The following PLSCR2 variants were observed in gnomAD, a reference collection of about 807,000 sequenced individuals.
PLSCR2 encodes the protein PL scramblase 2.
PLSCR2 carries 18 observed loss-of-function variants against 25.3 expected under a neutral mutation model. The ratio of observed to expected loss-of-function variants is 0.71; its 90% CI spans 0.49 to 1.06. The LOEUF (loss-of-function observed/expected upper bound fraction) is 1.06. Among genes scored for constraint, PLSCR2 ranks in the 50% least tolerant of loss-of-function variants. PLSCR2 has a pLI of 0.00. For missense variants in PLSCR2, 243 were observed against 269.5 expected (o/e 0.90, Z 0.69); for synonymous variants, 88 against 87.3 (o/e 1.01, Z -0.04).
chr3:146,443,085 T>A (rs896832893), intron 6 of PLSCR2, among the ~76,000 whole-genome samples: 2 of 152,056 alleles, frequency 1.3e-5, no homozygotes, highest in African/African-American at 4.8e-5. Flanking sequence ...CCAAAACGTA[T>A]GTTGAACCCT....
exon 2 of PLSCR2, chr3:146,459,858 T>C: frequency 6.2e-7 from 1 of 1,609,984 alleles, no homozygotes; most frequent in Non-Finnish European, 8.5e-7. Flanking sequence ...CTGACTTAAG[T>C]ATTCCAATCC....
downstream of PLSCR2, chr3:146,441,731 G>A (rs1576634117): frequency 6.7e-6 from 8 of 1,188,508 alleles, no homozygotes; most frequent in East Asian, 1.9e-4. Flanking sequence ...AATCAACACA[G>A]ACTTCAAATT....
chr3:146,396,621 T>C (rs1321690311), intron 2 of PLSCR2, among the ~76,000 whole-genome samples: 1 of 151,928 alleles, frequency 6.6e-6, no homozygotes, highest in East Asian at 1.9e-4. Flanking sequence ...ACAAGAGAAA[T>C]AGGAAGACAG....
At chr3:146,459,934 G>T in exon 2 of PLSCR2, 1 of 1,614,104 alleles carries the variant, frequency 6.2e-7, no homozygotes, top group South Asian at 1.1e-5. Context: ...CTACCTGGCT[G>T]ATTTTGAACA....
chr3:146,452,358 A>T (rs1202667348), intron 5 of PLSCR2, among the ~76,000 whole-genome samples: 1 of 152,346 alleles, frequency 6.6e-6, no homozygotes, highest in Non-Finnish European at 1.5e-5. Flanking sequence ...AAGATAGTCT[A>T]AAAAACTAAA....
At chr3:146,467,121 CAT>C (rs1313440046) in intron 1 of PLSCR2, among the ~76,000 whole-genome samples, 7 of 152,178 alleles carry the variant, frequency 4.6e-5, no homozygotes, top group African/African-American at 1.7e-4. Flanking sequence ...TACAGGTACA[CAT>C]ATGTGTACAT....
At chr3:146,487,772 A>G (rs775818376) in intron 1 of PLSCR2, among the ~76,000 whole-genome samples, 1 of 152,178 alleles carries the variant, frequency 6.6e-6, no homozygotes, top group Non-Finnish European at 1.5e-5. Context: ...ATTTAATGCT[A>G]CTTCCATTAA....
intron 2 of PLSCR2, among the ~76,000 whole-genome samples, chr3:146,407,886 C>A (rs1444470810): frequency 1.3e-5 from 2 of 152,136 alleles, no homozygotes; most frequent in South Asian, 2.1e-4. Flanking sequence ...TGGCATCCAC[C>A]TTCTCTAGGG....
chr3:146,469,937 C>T (rs1254482772), intron 1 of PLSCR2, among the ~76,000 whole-genome samples: 1 of 152,122 alleles, frequency 6.6e-6, no homozygotes, highest in Non-Finnish European at 1.5e-5. Flanking sequence ...CCAGCTGGAA[C>T]TGGAAAATCA....
At chr3:146,484,134 T>C (rs2043257305) in intron 1 of PLSCR2, among the ~76,000 whole-genome samples, 1 of 151,510 alleles carries the variant, frequency 6.6e-6, no homozygotes, top group African/African-American at 2.4e-5. Flanking sequence ...ACAAGAACTT[T>C]GTGATGCAAA....
chr3:146,440,002 C>T (rs2040136190), downstream of PLSCR2, among the ~76,000 whole-genome samples: 1 of 152,164 alleles, frequency 6.6e-6, no homozygotes, highest in East Asian at 1.9e-4. Flanking sequence ...CAGTCAGGAC[C>T]TTTACCTGCA....
intron 6 of PLSCR2, among the ~76,000 whole-genome samples, chr3:146,443,485 C>T (rs930990813): frequency 3.3e-5 from 5 of 151,708 alleles, no homozygotes; most frequent in African/African-American, 7.3e-5. Flanking sequence ...GGTTCAGTCT[C>T]GGTAGACAAT....
chr3:146,444,076 TC>T (rs1252793776), intron 6 of PLSCR2, among the ~76,000 whole-genome samples: 1 of 152,020 alleles, frequency 6.6e-6, no homozygotes, highest in Non-Finnish European at 1.5e-5. Flanking sequence ...TTTCCAAAGT[TC>T]CTCTTGTTAT....
At chr3:146,476,303 G>A (rs1166126403) in intron 1 of PLSCR2, among the ~76,000 whole-genome samples, 1 of 152,208 alleles carries the variant, frequency 6.6e-6, no homozygotes, top group African/African-American at 2.4e-5. Context: ...GGCAGGGGGA[G>A]CTCCCATTCC....
At chr3:146,463,793 C>G (rs945433034), upstream of PLSCR2, 2 of 839,918 alleles carry the variant, frequency 2.4e-6, no homozygotes, top group Non-Finnish European at 2.9e-6. Flanking sequence ...TCCACATCCT[C>G]AACTAAAATC....
At chr3:146,439,834 G>T (rs111876483), downstream of PLSCR2, among the ~76,000 whole-genome samples, 1,856 of 152,284 alleles carry the variant, frequency 0.012, 36 homozygotes, top group African/African-American at 0.043. Context: ...GCATTCCTTT[G>T]GAGGAGAAGA....
intron 1 of PLSCR2, among the ~76,000 whole-genome samples, chr3:146,486,697 C>G (rs1402703534): frequency 1.3e-5 from 2 of 151,062 alleles, no homozygotes; most frequent in African/African-American, 4.9e-5. Context: ...CAAAAAAAAA[C>G]CCAGGACAAG....
intron 5 of PLSCR2, among the ~76,000 whole-genome samples, chr3:146,449,859 T>C (rs1486869178): frequency 6.6e-6 from 1 of 152,020 alleles, no homozygotes; most frequent in Non-Finnish European, 1.5e-5. Context: ...AAACATAAAA[T>C]GCTAAGAGCC....
At chr3:146,456,967 T>C (rs2041256285) in intron 3 of PLSCR2, among the ~76,000 whole-genome samples, 1 of 152,078 alleles carries the variant, frequency 6.6e-6, no homozygotes, top group Admixed American at 6.5e-5. Flanking sequence ...TTTTGGATTT[T>C]ATAATCTTAA....
Sources: allele counts gnomAD v4.1 joint callset (sites outside exome capture counted in the v4.1 genomes callset), GRCh38; gene constraint gnomAD v4.1.1; transcripts MANE v1.5; gene names NCBI Gene and HGNC (gene_info 2026-07-23, HGNC 2026-07-21).